ECPAS: variants seen among roughly 807,000 people sequenced by gnomAD.
ECPAS encodes proteasome adapter and scaffold protein ECM29.
ECPAS carries 70 observed loss-of-function variants against 255.1 expected under a neutral mutation model. That is an observed-to-expected ratio of 0.27 (90% CI 0.23 to 0.33). The LOEUF is 0.33. Among genes scored for constraint, ECPAS ranks in the 10% least tolerant of loss-of-function variants. The pLI, the probability that ECPAS is intolerant of heterozygous loss-of-function variation, is 1.00. For synonymous variants in ECPAS, 784 were observed against 775.0 expected (o/e 1.01, Z -0.19); for missense variants, 1,817 against 2,206.4 (o/e 0.82, Z 3.54).
intron 5 of ECPAS, among the ~76,000 whole-genome samples, 196 bp downstream of exon 5, chr9:111,442,110 T>C (rs756902387): frequency 4.6e-5 from 7 of 152,240 alleles, no homozygotes; most frequent in Non-Finnish European, 8.8e-5. Context: ...CATTTTTCAA[T>C]GTTCACATCA....
At position 111,389,698 on chromosome 9, in the gene ECPAS, A is replaced by G; in HGVS notation, c.3305T>C (p.Ile1102Thr). The change falls in exon 31 of 50, where the codon ATT becomes ACT. Residue 1102 changes from isoleucine to threonine, a missense_variant. Physicochemically the swap from Ile to Thr is moderately conservative, Grantham distance 89. This residue lies in a region of ECPAS where 960 missense variants were observed against 1,179.0 expected (regional missense o/e 0.81). Coordinates refer to ENST00000684092, the MANE Select transcript of ECPAS (RefSeq NM_001364929.1). The part of the protein sequence containing the change: ...RKGAAFGFNV[I>T]ATRAGEQLAP... The stretch of plus-strand genomic sequence containing the variant: ...CAGCTGCTCTCCAGCTCTGGTAGCA[A>G]TTACATTAAAACCAAAAGCAGCACC... 1.2e-6 allele frequency: 2 copies of G among 1,613,016 alleles called. No individual in the cohort carries two copies. Among genetic ancestry groups the G allele is most frequent in the Non-Finnish European group, 1.7e-6 (2 of 1,179,516 alleles).
chr9:111,443,223 T>C (rs979542129), intron 4 of ECPAS, among the ~76,000 whole-genome samples: 1 of 152,168 alleles, frequency 6.6e-6, no homozygotes, highest in South Asian at 2.1e-4. Flanking sequence ...GATTTACAGA[T>C]AAGATTAAGA....
At chr9:111,480,950 C>T (rs1379079545) in intron 1 of ECPAS, among the ~76,000 whole-genome samples, 6 of 152,314 alleles carry the variant, frequency 3.9e-5, no homozygotes, top group Non-Finnish European at 5.9e-5. Context: ...AATACTTCAG[C>T]CACTTCAGAA....
chr9:111,398,365 A>G (rs2098170643), intron 24 of ECPAS, among the ~76,000 whole-genome samples: 1 of 152,206 alleles, frequency 6.6e-6, no homozygotes, highest in East Asian at 1.9e-4. Context: ...CCTGTAGTTA[A>G]TAACAACACA....
intron 43 of ECPAS, 26 bp downstream of exon 43, chr9:111,371,595 T>TA: frequency 6.3e-7 from 1 of 1,589,554 alleles, no homozygotes. Flanking sequence ...AGAATCCCTT[T>TA]AACTGGGTAT....
Position 111,383,226 on chromosome 9 carries a change from TC to T in ECPAS, c.3787del (p.Glu1263LysfsTer11). 1 of 1,613,840 alleles carries T rather than the reference TC, an allele frequency of 6.2e-7. No individual in the cohort carries two copies. The highest frequency in any genetic ancestry group is 2.2e-5 in the East Asian group (1 of 44,858). Reference sequence around the variant, plus strand: ...GGATGCACACCTGAGGGCTCGAACTTCCGTCACGGTGCTCATCATTCCTTTG... The same window carrying T: ...GGATGCACACCTGAGGGCTCGAACTTCGTCACGGTGCTCATCATTCCTTTG... Reference protein sequence around the residue: ...LDKGMMSTVTEVRALSINTLV... With the variant: ...LDKGMMSTVTXVRALSINTLV... On this transcript the variant is annotated frameshift_variant, in exon 35 of 50. Transcript: ENST00000684092. LOFTEE classifies it high-confidence loss of function.
chr9:111,385,242 T>C, intron 33 of ECPAS, 95 bp downstream of exon 33: 1 of 698,648 alleles, frequency 1.4e-6, no homozygotes, highest in East Asian at 2.8e-5. Context: ...CTTAAAATTA[T>C]CTGGAAATGG....
Position 111,371,627 on chromosome 9 carries a change from T to C in ECPAS, c.4731A>G (p.Ala1577=). 1 of 1,613,528 alleles carries C rather than the reference T, an allele frequency of 6.2e-7. No homozygotes were observed. Among genetic ancestry groups the C allele is most frequent in the Non-Finnish European group, 8.5e-7 (1 of 1,179,628 alleles). Reference sequence around the variant, plus strand: ...GTATGAATGGTTCCTTTACCTTTCCTGCCCACGTTCTTCCAGCCAGGCCTT... The same window carrying C: ...GTATGAATGGTTCCTTTACCTTTCCCGCCCACGTTCTTCCAGCCAGGCCTT... ...LLQGLAGRTW[A]GKEELLKAIA... is the part of the protein sequence containing the mutation. The change falls in exon 43 of 50, where the codon GCA becomes GCG. Residue 1577 remains alanine, a synonymous_variant. Coordinates refer to ENST00000684092, the MANE Select transcript of ECPAS (RefSeq NM_001364929.1).
At chr9:111,374,918 A>G (rs1722554871) in intron 38 of ECPAS, among the ~76,000 whole-genome samples, 195 bp downstream of exon 38, 1 of 152,246 alleles carries the variant, frequency 6.6e-6, no homozygotes, top group African/African-American at 2.4e-5. Flanking sequence ...GTTAATACTT[A>G]CTGGAACAGT....
chr9:111,392,978 A>C (rs1204302726), intron 27 of ECPAS, 96 bp from the exon 28 acceptor site: 1 of 664,466 alleles, frequency 1.5e-6, no homozygotes, highest in African/African-American at 1.8e-5. Context: ...ACACTGACCC[A>C]AAATGATATC....
intron 2 of ECPAS, among the ~76,000 whole-genome samples, chr9:111,463,852 A>T (rs2098276058): frequency 6.6e-6 from 1 of 152,320 alleles, no homozygotes; most frequent in South Asian, 2.1e-4. Context: ...ATATTGATAC[A>T]ATCTCTGAAG....
intron 2 of ECPAS, among the ~76,000 whole-genome samples, chr9:111,468,643 G>GAA (rs2098282391): frequency 6.9e-6 from 1 of 145,050 alleles, no homozygotes; most frequent in Non-Finnish European, 1.5e-5. Flanking sequence ...GAGAGAGAGA[G>GAA]AGAGAGAGAG....
intron 2 of ECPAS, among the ~76,000 whole-genome samples, chr9:111,455,611 T>C (rs917522217): frequency 1.3e-5 from 2 of 152,246 alleles, no homozygotes; most frequent in African/African-American, 4.8e-5. Flanking sequence ...TCATTGTGCC[T>C]GTCTGTGCAA....
At position 111,425,817 on chromosome 9, in the gene ECPAS, A is replaced by G. The variant is rs1185363679; in HGVS notation, c.1062T>C (p.Asp354=). The G allele has an allele frequency of 2.0e-6, 3 of 1,538,270 alleles. No individual in the cohort carries two copies. The highest frequency in any genetic ancestry group is 2.7e-6 in the Non-Finnish European group (3 of 1,116,704). ...AATTTGTATTTGTACCAAAAAGTCCATCATACACCACCTATGTAAAATGAA... is the reference window on the plus strand; with the variant it reads ...AATTTGTATTTGTACCAAAAAGTCCGTCATACACCACCTATGTAAAATGAA... The part of the protein sequence containing the change: ...TFPANIQVVY[D]GLFGTNTNSK... Residue 354 remains aspartate, a synonymous_variant, in exon 11 of 50, where the codon GAT becomes GAC. Coordinates refer to ENST00000684092, the MANE Select transcript of ECPAS (RefSeq NM_001364929.1).
At chr9:111,396,410 G>A (rs1171221497) in intron 25 of ECPAS, among the ~76,000 whole-genome samples, 3 of 152,148 alleles carry the variant, frequency 2.0e-5, no homozygotes, top group African/African-American at 7.2e-5. Context: ...ACATCATCTG[G>A]AAACAACTAT....
chr9:111,382,438 T>C (rs2098141834), intron 35 of ECPAS, among the ~76,000 whole-genome samples: 1 of 151,944 alleles, frequency 6.6e-6, no homozygotes, highest in Non-Finnish European at 1.5e-5. Flanking sequence ...CTAATTTTTT[T>C]TGTATTTTTA....
chr9:111,434,627 T>C (rs1375831305), intron 7 of ECPAS, among the ~76,000 whole-genome samples: 3 of 146,420 alleles, frequency 2.0e-5, no homozygotes, highest in Non-Finnish European at 4.5e-5. Flanking sequence ...TCTCCCTCTG[T>C]CGCCCAGGCT....
At chr9:111,405,428 C>A (rs781631428) in intron 24 of ECPAS, among the ~76,000 whole-genome samples, 4 of 149,568 alleles carry the variant, frequency 2.7e-5, no homozygotes, top group Non-Finnish European at 4.4e-5. Context: ...AAATCTAAGA[C>A]CTGAATTACA....
chr9:111,398,211 T>C (rs1291816196), intron 24 of ECPAS, among the ~76,000 whole-genome samples: 1 of 152,220 alleles, frequency 6.6e-6, no homozygotes, highest in Non-Finnish European at 1.5e-5. Flanking sequence ...CTTCCTAGTC[T>C]GAGGAAAAAA....
Sources: allele counts gnomAD v4.1 joint callset (sites outside exome capture counted in the v4.1 genomes callset), GRCh38; gene constraint gnomAD v4.1.1; regional missense constraint gnomAD v4.1.1; transcripts MANE v1.5; gene names NCBI Gene and HGNC (gene_info 2026-07-23, HGNC 2026-07-21).